TMTC1: variants seen among roughly 807,000 people sequenced by gnomAD.
TMTC1 encodes the protein protein O-mannosyl-transferase TMTC1.
TMTC1 carries 73 observed loss-of-function variants against 104.8 expected under a neutral mutation model. The observed-to-expected ratio is 0.70, with a 90% CI of 0.58 to 0.85. The LOEUF is 0.85. TMTC1 is among the 40% of genes least tolerant of loss of function. The pLI is 0.00. For missense variants in TMTC1, 1,035 were observed against 1,096.1 expected (o/e 0.94, Z 0.79); for synonymous variants, 434 against 428.7 (o/e 1.01, Z -0.15).
intron 10 of TMTC1, among the ~76,000 whole-genome samples, chr12:29,548,109 A>C (rs1044760563): frequency 3.3e-5 from 5 of 152,144 alleles, no homozygotes; most frequent in Non-Finnish European, 7.4e-5. Context: ...TCAACTGAGA[A>C]AGATTCCCTA....
intron 9 of TMTC1, among the ~76,000 whole-genome samples, chr12:29,569,389 T>C (rs554408524): frequency 1.3e-5 from 2 of 152,304 alleles, no homozygotes; most frequent in East Asian, 1.9e-4. Flanking sequence ...ACAACAGTAA[T>C]GGATAATTGC....
intron 2 of TMTC1, among the ~76,000 whole-genome samples, chr12:29,765,310 G>A (rs1943439053): frequency 6.6e-6 from 1 of 152,036 alleles, no homozygotes; most frequent in African/African-American, 2.4e-5. Flanking sequence ...TAATGTTCCT[G>A]TATTAAATTT....
intron 7 of TMTC1, among the ~76,000 whole-genome samples, chr12:29,585,415 C>A (rs1430596848): frequency 1.3e-5 from 2 of 152,106 alleles, no homozygotes; most frequent in African/African-American, 4.8e-5. Flanking sequence ...ATGGTAGTTT[C>A]TTTTGCTGTG....
chr12:29,741,664 C>T (rs183590033), intron 5 of TMTC1, among the ~76,000 whole-genome samples: 5 of 152,288 alleles, frequency 3.3e-5, no homozygotes. Context: ...AAAGAAAACA[C>T]ATACACCCCA....
At chr12:29,524,983 G>T (rs958969606) in intron 11 of TMTC1, among the ~76,000 whole-genome samples, 3 of 152,014 alleles carry the variant, frequency 2.0e-5, no homozygotes, top group African/African-American at 7.3e-5. Context: ...TGGGAAAGCT[G>T]TCCATGTCTA....
intron 6 of TMTC1, among the ~76,000 whole-genome samples, chr12:29,629,194 G>A (rs898558629): frequency 5.9e-5 from 9 of 151,810 alleles, no homozygotes; most frequent in African/African-American, 1.2e-4. Context: ...GGTGGCGGGC[G>A]CCTGTAGTCC....
intron 6 of TMTC1, among the ~76,000 whole-genome samples, chr12:29,621,729 T>A (rs550454030): frequency 1.3e-5 from 2 of 152,244 alleles, no homozygotes; most frequent in South Asian, 4.1e-4. Context: ...CTCTGTGTGG[T>A]GTTGTGGTGA....
chr12:29,764,730 T>C (rs542291496), intron 2 of TMTC1, among the ~76,000 whole-genome samples: 4 of 152,284 alleles, frequency 2.6e-5, no homozygotes, highest in South Asian at 2.1e-4. Flanking sequence ...CTCCCTAACA[T>C]CCTTCCCTAA....
At chr12:29,635,157 T>C (rs1330580489) in intron 5 of TMTC1, among the ~76,000 whole-genome samples, 1 of 151,580 alleles carries the variant, frequency 6.6e-6, no homozygotes. Context: ...TTTGATAAAG[T>C]CCAGGCTTTG....
intron 15 of TMTC1, among the ~76,000 whole-genome samples, 192 bp downstream of exon 15, chr12:29,516,157 A>G (rs1202777960): frequency 2.6e-5 from 4 of 152,164 alleles, no homozygotes; most frequent in African/African-American, 9.7e-5. Context: ...ATAAGCCAAG[A>G]AAAATATTAT....
chr12:29,731,799 C>G (rs1332957806), intron 5 of TMTC1, among the ~76,000 whole-genome samples: 2 of 152,132 alleles, frequency 1.3e-5, no homozygotes, highest in Non-Finnish European at 2.9e-5. Flanking sequence ...TTTTTGGCAG[C>G]AACTGACCTA....
rs114242991 is a variant in TMTC1 at position 29,565,866 on chromosome 12, A to G, written c.1532+6239T>C. On this transcript the variant is annotated intron_variant, in intron 9 of 17. Coordinates refer to ENST00000539277, the MANE Select transcript of TMTC1 (RefSeq NM_001193451.2). ...CCGTCTCAAAAAACAAACACAAAAA[A>G]CCACAGTATAAAGAAGTTTACATGT... 4.2e-3 allele frequency among the ~76,000 whole-genome samples: 638 copies of G among 152,252 alleles called. 3 individuals are homozygous for G. Among genetic ancestry groups the G allele is most frequent in the African/African-American group, 0.015 (612 of 41,562 alleles).
chr12:29,784,618 T>G (rs1222757826), upstream of TMTC1: 2 of 152,278 alleles, frequency 1.3e-5, no homozygotes, highest in Admixed American at 1.3e-4. Context: ...TTACAGCCCC[T>G]TTCTTGGCCC....
chr12:29,579,294 C>T (rs1488276812), intron 8 of TMTC1, among the ~76,000 whole-genome samples: 2 of 152,162 alleles, frequency 1.3e-5, no homozygotes, highest in African/African-American at 4.8e-5. Context: ...TTTTGTCTTT[C>T]GTCTTTTCCC....
intron 10 of TMTC1, among the ~76,000 whole-genome samples, chr12:29,548,641 G>A (rs1413455473): frequency 6.6e-6 from 1 of 151,874 alleles, no homozygotes; most frequent in Non-Finnish European, 1.5e-5. Flanking sequence ...ATGTGAAACT[G>A]TGAATCCATT....
At chr12:29,728,833 CA>C (rs113484573) in intron 5 of TMTC1, among the ~76,000 whole-genome samples, 4,434 of 129,168 alleles carry the variant, frequency 0.034, 169 homozygotes, top group African/African-American at 0.1. Flanking sequence ...CGCCGTCCTA[CA>C]AAAAAAAAAA....
chr12:29,567,505 A>C (rs1388686474), intron 9 of TMTC1, among the ~76,000 whole-genome samples: 5 of 152,206 alleles, frequency 3.3e-5, no homozygotes, highest in African/African-American at 9.6e-5. Context: ...CATCAACAAG[A>C]AGCAACAAAA....
chr12:29,525,203 G>A (rs1000655189), intron 11 of TMTC1, among the ~76,000 whole-genome samples: 7 of 81,706 alleles, frequency 8.6e-5, no homozygotes, highest in African/African-American at 3.4e-4. Flanking sequence ...TTTTTTTTGA[G>A]ATGGAGTTTT....
intron 6 of TMTC1, among the ~76,000 whole-genome samples, chr12:29,628,734 T>C (rs1037821675): frequency 6.6e-6 from 1 of 152,114 alleles, no homozygotes; most frequent in African/African-American, 2.4e-5. Context: ...CGATCTCGGC[T>C]CACTGCAACC....
Sources: gnomAD v4.1 joint callset for allele counts (sites outside exome capture counted in the v4.1 genomes callset) on GRCh38, gnomAD v4.1.1 for gene constraint, MANE v1.5 for transcripts, NCBI Gene and HGNC (gene_info 2026-07-23, HGNC 2026-07-21) for gene names.